PCTP: variants seen among roughly 807,000 people sequenced by gnomAD.
PCTP encodes START domain-containing protein 2.
PCTP carries 27 observed loss-of-function variants against 31.0 expected under a neutral mutation model. That is an observed-to-expected ratio of 0.87 (90% confidence interval 0.64 to 1.20). The LOEUF is 1.20. PCTP is among the 50% of genes most tolerant of loss of function. The pLI, the probability that PCTP is intolerant of heterozygous loss-of-function variation, is 0.00. For synonymous variants in PCTP, 108 were observed against 101.2 expected, an observed-to-expected ratio of 1.07 and a Z score of -0.40; for missense variants, 287 against 268.2, an observed-to-expected ratio of 1.07 and a Z score of -0.49.
chr17:55,798,213 T>G (rs1912248173), intron 3 of PCTP, among the ~76,000 whole-genome samples: 1 of 151,718 alleles, frequency 6.6e-6, no homozygotes, highest in Non-Finnish European at 1.5e-5. Flanking sequence ...TAGAAAAGGG[T>G]CTAAGAGATA....
intron 3 of PCTP, among the ~76,000 whole-genome samples, chr17:55,821,575 T>C (rs1913119326): frequency 6.6e-6 from 1 of 152,248 alleles, no homozygotes; most frequent in Non-Finnish European, 1.5e-5. Context: ...CTATTGTTAA[T>C]TTAGCACTTT....
intron 1 of PCTP, among the ~76,000 whole-genome samples, chr17:55,759,162 A>C (rs1033460715): frequency 2.0e-5 from 3 of 152,204 alleles, no homozygotes; most frequent in African/African-American, 7.2e-5. Flanking sequence ...CCTTTTCTGG[A>C]CATTTTGCAG....
chr17:55,771,349 T>C (rs1910998771), intron 3 of PCTP, 164 bp downstream of exon 3: 2 of 627,556 alleles, frequency 3.2e-6, no homozygotes, highest in Admixed American at 5.5e-5. Context: ...TCTTGTATGG[T>C]GTTTGGAGAG....
At chr17:55,774,245 A>G (rs1911181837) in intron 4 of PCTP, among the ~76,000 whole-genome samples, 1 of 152,172 alleles carries the variant, frequency 6.6e-6, no homozygotes, top group African/African-American at 2.4e-5. Flanking sequence ...GAAAGCTGGC[A>G]GGTTTGTCTT....
At chr17:55,826,774 C>T (rs997534350), downstream of PCTP, among the ~76,000 whole-genome samples, 6 of 152,178 alleles carry the variant, frequency 3.9e-5, no homozygotes, top group African/African-American at 1.4e-4. Context: ...CTACGTGATC[C>T]TTCACATGCT....
At chr17:55,840,655 A>G (rs1379367827) in intron 5 of PCTP, among the ~76,000 whole-genome samples, 1 of 152,206 alleles carries the variant, frequency 6.6e-6, no homozygotes, top group South Asian at 2.1e-4. Flanking sequence ...TATTGTTATA[A>G]TTGTTCTATT....
chr17:55,773,506 T>G (rs1911122760), intron 3 of PCTP: 3 of 491,922 alleles, frequency 6.1e-6, no homozygotes, highest in Non-Finnish European at 1.1e-5. Context: ...CACTCACAGG[T>G]AAGTAATACA....
At chr17:55,759,030 A>T (rs1033816684) in intron 1 of PCTP, among the ~76,000 whole-genome samples, 6 of 152,202 alleles carry the variant, frequency 3.9e-5, no homozygotes, top group Admixed American at 6.5e-5. Flanking sequence ...AAGAGAGATG[A>T]CTTGTAGGGA....
At chr17:55,826,051 G>A (rs1905384927), downstream of PCTP, among the ~76,000 whole-genome samples, 2 of 152,158 alleles carry the variant, frequency 1.3e-5, no homozygotes, top group Non-Finnish European at 2.9e-5. Context: ...GAAAAATTAG[G>A]TAATTGGCCA....
chr17:55,787,849 A>G (rs1045905912), intron 3 of PCTP, among the ~76,000 whole-genome samples: 1 of 152,122 alleles, frequency 6.6e-6, no homozygotes, highest in African/African-American at 2.4e-5. Flanking sequence ...CATAATGTAC[A>G]ATAATTTTCT....
At chr17:55,824,206 C>T (rs1197059157), downstream of PCTP, among the ~76,000 whole-genome samples, 5 of 152,114 alleles carry the variant, frequency 3.3e-5, no homozygotes, top group African/African-American at 9.7e-5. Flanking sequence ...GTTTCAGTGA[C>T]CCAGTTACTG....
chr17:55,803,404 C>G (rs1598007612), intron 3 of PCTP, among the ~76,000 whole-genome samples: 2 of 152,142 alleles, frequency 1.3e-5, no homozygotes, highest in South Asian at 4.1e-4. Context: ...ATAGCCAAGA[C>G]AATCGTAAGC....
chr17:55,845,805 C>A (rs1477159477), downstream of PCTP, among the ~76,000 whole-genome samples: 1 of 152,032 alleles, frequency 6.6e-6, no homozygotes, highest in East Asian at 1.9e-4. Context: ...CCCCCTCCCC[C>A]CATTCTCCCA....
chr17:55,824,639 C>T (rs1298090209), downstream of PCTP, among the ~76,000 whole-genome samples: 4 of 152,264 alleles, frequency 2.6e-5, no homozygotes, highest in African/African-American at 9.6e-5. Context: ...GTAGGTCACT[C>T]GGTCCCTGAA....
chr17:55,812,869 C>A (rs1349175686), intron 3 of PCTP, among the ~76,000 whole-genome samples: 1 of 152,202 alleles, frequency 6.6e-6, no homozygotes, highest in East Asian at 1.9e-4. Flanking sequence ...TGAGAAGGAT[C>A]CTTTAGTTAG....
downstream of PCTP, among the ~76,000 whole-genome samples, chr17:55,778,210 C>CAAAA (rs57503627): frequency 9.0e-5 from 10 of 111,552 alleles, no homozygotes; most frequent in Non-Finnish European, 1.6e-4. Flanking sequence ...GTGCCAAAGT[C>CAAAA]AAAAAAAAAA....
chr17:55,819,831 A>G (rs570507371), intron 3 of PCTP, among the ~76,000 whole-genome samples: 2 of 152,366 alleles, frequency 1.3e-5, no homozygotes, highest in South Asian at 4.1e-4. Flanking sequence ...ATATAAATCA[A>G]TAGAATAGAA....
intron 3 of PCTP, among the ~76,000 whole-genome samples, chr17:55,771,666 A>C (rs2960065): frequency 0.87 from 131,799 of 152,132 alleles, 58,966 homozygotes; most frequent in Non-Finnish European, 0.98. Context: ...GACCCCACAG[A>C]AATCCCTCCT....
At chr17:55,753,326 C>A (rs1027887374) in intron 1 of PCTP, among the ~76,000 whole-genome samples, 10 of 152,312 alleles carry the variant, frequency 6.6e-5, no homozygotes, top group African/African-American at 2.4e-4. Context: ...GTGATCTTAT[C>A]ACTACCTTTT....
Sources: gnomAD v4.1 joint callset for allele counts (sites outside exome capture counted in the v4.1 genomes callset) on GRCh38, gnomAD v4.1.1 for gene constraint, MANE v1.5 for transcripts, NCBI Gene and HGNC (gene_info 2026-07-23, HGNC 2026-07-21) for gene names.